MELTF: variants seen among roughly 807,000 people sequenced by gnomAD.
The protein encoded by MELTF is antigen p97 (melanoma associated) identified by monoclonal antibodies 133.2 and 96.5.
In MELTF, 67 loss-of-function variants were observed where a neutral mutation model predicts 83.7. The observed-to-expected ratio is 0.80, with a 90% confidence interval of 0.66 to 0.98. The LOEUF is 0.98. Among genes scored for constraint, MELTF ranks in the 50% least tolerant of loss-of-function variants. MELTF has a pLI of 0.00. For missense variants in MELTF, 1,002 were observed against 1,035.6 expected, an observed-to-expected ratio of 0.97 and a Z score of 0.44; for synonymous variants, 462 against 447.6, an observed-to-expected ratio of 1.03 and a Z score of -0.41.
intron 6 of MELTF, among the ~76,000 whole-genome samples, chr3:197,020,905 A>G (rs1719597756): frequency 1.3e-5 from 2 of 152,092 alleles, no homozygotes; most frequent in Non-Finnish European, 2.9e-5. Flanking sequence ...TGACCTCGTG[A>G]TCCGCCCACC....
Position 197,024,334 on chromosome 3 carries a change from G to A in MELTF, c.456C>T (p.Arg152=), listed in dbSNP as rs138993633. The change falls in exon 4 of 16, where the codon CGC becomes CGT. Residue 152 remains arginine, a synonymous_variant. Transcript: ENST00000296350. This position sits in a 1 kb window ranked among gnomAD's most constrained non-coding sequence, Gnocchi z 5.3. ...VPVGYLVESG[R]LSVMGCDVLK... Reference sequence around the variant, plus strand: ...GTACATCGCAGCCCATCACCGAGAGGCGGCCGCTCTCCACCAGGTAGCCCA... The same window carrying A: ...GTACATCGCAGCCCATCACCGAGAGACGGCCGCTCTCCACCAGGTAGCCCA... 1.3e-5 allele frequency: 20 copies of A among 1,588,560 alleles called. No individual in the cohort carries two copies. The highest frequency in any genetic ancestry group is 2.3e-5 in the East Asian group (1 of 44,296).
chr3:197,004,443 G>GAT, intron 14 of MELTF: 1 of 364,256 alleles, frequency 2.7e-6, no homozygotes, highest in Non-Finnish European at 5.2e-6. Flanking sequence ...TGCTAGGCCT[G>GAT]CTGAGCACTT....
At position 197,002,657 on chromosome 3, in the gene MELTF, G is replaced by C. The variant is rs1718784149; in HGVS notation, c.*715C>G. On this transcript the variant is annotated 3_prime_UTR_variant, in exon 16 of 16. Coordinates refer to ENST00000296350, the MANE Select transcript of MELTF (RefSeq NM_005929.6). ...GGGTGCGGGCGGTGGGCATCCCACG[G>C]GGGTAGGGGAGGCGAGAGCCTGAGG... The C allele has an allele frequency of 6.6e-6, 1 of 152,284 alleles. No individual in the cohort carries two copies. The highest frequency in any genetic ancestry group is 6.5e-5 in the Admixed American group (1 of 15,290). 9.4% of individuals were successfully genotyped at this position (152,284 alleles called of 1,614,324 possible).
rs887889647 is a variant in MELTF, at chr3:197,007,626, G to C, written c.1751-890C>G. Among the ~76,000 whole-genome samples the C allele has an allele frequency of 3.3e-5, 5 of 152,230 alleles. No homozygotes were observed. Among genetic ancestry groups the C allele is most frequent in the Admixed American group, 2.0e-4 (3 of 15,288 alleles). On this transcript the variant is annotated intron_variant, in intron 13 of 15. Coordinates refer to ENST00000296350, the MANE Select transcript of MELTF (RefSeq NM_005929.6). The surrounding 1 kb of genome is among the most constrained non-coding windows in gnomAD (Gnocchi z 4.3). ...AGGAGCACACAGCCCCTCCCTGGGG[G>C]AGGGTTTCAGGTGTTCTTGGTAGGA...
In MELTF at chr3:197,025,243, T is replaced by G. The variant is rs147797676; in HGVS notation, c.305-758A>C. On this transcript the variant is annotated intron_variant, in intron 3 of 15. Transcript: ENST00000296350. ...CGCGTGCACAAACTGCCCGGTGGTG[T>G]GGGAGGCCATATCAGAATGAAGTTG... 9.1e-4 allele frequency among the ~76,000 whole-genome samples: 138 copies of G among 152,342 alleles called. 1 individual carries two copies. The highest frequency in any genetic ancestry group is 3.2e-3 in the African/African-American group (135 of 41,584).
Position 197,015,483 on chromosome 3 carries a change from G to A in MELTF, c.1115C>T (p.Ser372Phe). The change falls in exon 9 of 16, where the codon TCC becomes TTC. Residue 372 changes from serine to phenylalanine, a missense_variant. Coordinates refer to ENST00000296350, the MANE Select transcript of MELTF (RefSeq NM_005929.6). ...LPPYLRWCVL[S>F]TPEIQKCGDM... is the part of the protein sequence containing the mutation. ...TCCACACTTCTGGATCTCGGGAGTG[G>A]AGAGCACACACCAGCGCAGGTAGGG... 2 of 1,612,138 alleles carry A rather than the reference G, an allele frequency of 1.2e-6. No individual in the cohort carries two copies. Among genetic ancestry groups the A allele is most frequent in the Non-Finnish European group, 1.7e-6 (2 of 1,179,466 alleles).
Position 197,006,647 on chromosome 3 carries a change from A to T in MELTF, c.1840T>A (p.Phe614Ile), listed in dbSNP as rs139531771. Residue 614 changes from phenylalanine (F) to isoleucine (I), a missense_variant, in exon 14 of 16, where the codon TTT (phenylalanine) becomes ATT (isoleucine). Transcript: ENST00000296350. This position sits in a 1 kb window ranked among gnomAD's most constrained non-coding sequence, Gnocchi z 5.4. ...PNGARAEVSQFAACNLAQIPP... is the reference protein window; with the variant it reads ...PNGARAEVSQIAACNLAQIPP... Reference sequence around the variant, plus strand: ...ATCTGTGCCAGGTTGCAGGCTGCAAACTGGGACACCTCGGCTCGGGCCCCG... The same window carrying T: ...ATCTGTGCCAGGTTGCAGGCTGCAATCTGGGACACCTCGGCTCGGGCCCCG... 4.4e-4 allele frequency: 704 copies of T among 1,610,364 alleles called. 2 individuals carry two copies. In the African/African-American group the frequency reaches 8.3e-3, roughly 19 times the overall value.
rs1190940199 is a variant in MELTF at position 197,022,115 on chromosome 3, A to G, written c.645-644T>C. Reference sequence around the variant, plus strand: ...TGCCGCAGAATCCTCAGTGGAAGGGACCATTGACTTTTACACGATCTGCTG... The same window carrying G: ...TGCCGCAGAATCCTCAGTGGAAGGGGCCATTGACTTTTACACGATCTGCTG... On this transcript the variant is annotated intron_variant, in intron 5 of 15. Coordinates refer to ENST00000296350, the MANE Select transcript of MELTF (RefSeq NM_005929.6). The surrounding 1 kb of genome is among the most constrained non-coding windows in gnomAD (Gnocchi z 5.1). 1.3e-5 allele frequency among the ~76,000 whole-genome samples: 2 copies of G among 152,144 alleles called. No individual in the cohort carries two copies. Among genetic ancestry groups the G allele is most frequent in the East Asian group, 1.9e-4 (1 of 5,196 alleles).
At chr3:197,017,001 A>G (rs1719402340) in intron 7 of MELTF, 102 bp downstream of exon 7, 3 of 1,281,912 alleles carry the variant, frequency 2.3e-6, no homozygotes, top group East Asian at 2.5e-5. Flanking sequence ...TCCCAAGGAC[A>G]GTCTCTGGGT....
At chr3:197,018,190 C>A (rs1318787707) in intron 6 of MELTF, among the ~76,000 whole-genome samples, 1 of 152,182 alleles carries the variant, frequency 6.6e-6, no homozygotes, top group East Asian at 1.9e-4. Flanking sequence ...CCCTTTCGCC[C>A]AGGCTGGAGT....
In MELTF at chr3:197,008,734, A is replaced by G; in HGVS notation, c.1683-10T>C. ...ATTCTCCACCAGGCACCTGCCACAC[A>G]GAGGGCAGGGCAGGCGTCGGCAGGA... On this transcript the variant is annotated splice_polypyrimidine_tract_variant and intron_variant, in intron 12 of 15. Coordinates refer to ENST00000296350, the MANE Select transcript of MELTF (RefSeq NM_005929.6). This position sits in a 1 kb window ranked among gnomAD's most constrained non-coding sequence, Gnocchi z 5.4. 1 of 1,613,676 alleles carries G rather than the reference A, an allele frequency of 6.2e-7. No individual in the cohort carries two copies. The highest frequency in any genetic ancestry group is 2.2e-5 in the East Asian group (1 of 44,866).
In MELTF at chr3:197,008,494, C is replaced by T. The variant is rs1480259173; in HGVS notation, c.1750+163G>A. Among the ~76,000 whole-genome samples the T allele has an allele frequency of 6.6e-6, 1 of 152,122 alleles. No homozygotes were observed. The highest frequency in any genetic ancestry group is 2.4e-5 in the African/African-American group (1 of 41,398). ...TGTGTGGTCTGAGGTCTGTTCTTAC[C>T]CTGTGACCCTTGGGGCTCCCAGCTT... On this transcript the variant is annotated intron_variant, in intron 13 of 15. Coordinates refer to ENST00000296350, the MANE Select transcript of MELTF (RefSeq NM_005929.6). This position sits in a 1 kb window ranked among gnomAD's most constrained non-coding sequence, Gnocchi z 5.4.
intron 6 of MELTF, among the ~76,000 whole-genome samples, chr3:197,017,630 C>T (rs935201393): frequency 3.3e-5 from 5 of 152,222 alleles, no homozygotes; most frequent in African/African-American, 7.2e-5. Flanking sequence ...GTAATCCCAG[C>T]ACTTTGGGAG....
intron 6 of MELTF, chr3:197,019,950 G>C: frequency 8.4e-7 from 1 of 1,185,420 alleles, no homozygotes; most frequent in East Asian, 2.6e-5. Flanking sequence ...TAACTAGCAG[G>C]GGCCTGAGGA....
rs1286462949 is a variant in MELTF, at chr3:197,015,493, A to C, written c.1105T>G (p.Cys369Gly). 2 of 1,611,342 alleles carry C rather than the reference A, an allele frequency of 1.2e-6. No homozygotes were observed. Among genetic ancestry groups the C allele is most frequent in the Non-Finnish European group, 1.7e-6 (2 of 1,179,164 alleles). ...PNRLPPYLRW[C>G]VLSTPEIQKC... ...TGGATCTCGGGAGTGGAGAGCACAC[A>C]CCAGCGCAGGTAGGGGGGCAGCCCT... Residue 369 changes from cysteine to glycine, a missense_variant, in exon 9 of 16, where the codon TGT (cysteine) becomes GGT (glycine). Cys to Gly is a radical substitution (Grantham distance 159, BLOSUM62 -3). Transcript: ENST00000296350.
rs778024203 is a variant in MELTF, at chr3:197,019,729, G to A, written c.712+1675C>T. ...AGCACTAGAGCGCATCGTCCTACGT[G>A]CTTCCTCGTGTGCAGGGCACTCGCC... is the stretch of plus-strand genomic sequence containing the variant. On this transcript the variant is annotated intron_variant, in intron 6 of 15. Coordinates refer to ENST00000296350, the MANE Select transcript of MELTF (RefSeq NM_005929.6). The A allele has an allele frequency of 1.9e-6, 3 of 1,612,246 alleles. No homozygotes were observed. The South Asian group carries it at 3.3e-5, about 18-fold the overall frequency.
intron 6 of MELTF, among the ~76,000 whole-genome samples, chr3:197,018,223 C>T (rs1055938953): frequency 5.3e-5 from 8 of 152,198 alleles, no homozygotes; most frequent in African/African-American, 1.9e-4. Context: ...TCTCGGCTCA[C>T]TGCAACCTCC....
intron 14 of MELTF, among the ~76,000 whole-genome samples, chr3:197,005,109 A>C (rs565903074): frequency 6.6e-6 from 1 of 152,328 alleles, no homozygotes; most frequent in South Asian, 2.1e-4. Flanking sequence ...CAATTTCAGC[A>C]TAAGTCGGGG....
chr3:197,003,939 G>T lies in MELTF; in HGVS notation c.2099C>A (p.Ala700Glu). Reference sequence around the variant, plus strand: ...CTGCTGAGACGACATCCCTTCCAGCGCCGCCACGTAGTCCAGCCCCAGCCA... The same window carrying T: ...CTGCTGAGACGACATCCCTTCCAGCTCCGCCACGTAGTCCAGCCCCAGCCA... ...RGWLGLDYVA[A>E]LEGMSSQQCS... Residue 700 changes from alanine to glutamate, a missense_variant, in exon 15 of 16, where the codon GCG becomes GAG. By Grantham distance (107) the Ala-to-Glu change is moderately radical. Coordinates refer to ENST00000296350, the MANE Select transcript of MELTF (RefSeq NM_005929.6). This position sits in a 1 kb window ranked among gnomAD's most constrained non-coding sequence, Gnocchi z 6.2. The T allele has an allele frequency of 6.2e-7, 1 of 1,614,032 alleles. No homozygotes were observed.
Sources: allele counts gnomAD v4.1 joint callset (sites outside exome capture counted in the v4.1 genomes callset), GRCh38; gene constraint gnomAD v4.1.1; non-coding constraint Gnocchi (gnomAD v3.1); transcripts MANE v1.5; gene names NCBI Gene and HGNC (gene_info 2026-07-23, HGNC 2026-07-21).